PIK3R6: variants seen among roughly 807,000 people sequenced by gnomAD.
PIK3R6 encodes phosphoinositide-3-kinase regulatory subunit 6, also known as phosphoinositide 3-kinase regulatory subunit 6.
A neutral mutation model predicts 84.9 loss-of-function variants in PIK3R6; 91 were observed. The observed-to-expected ratio is 1.07, with a 90% confidence interval of 0.90 to 1.28. PIK3R6 has a LOEUF of 1.28. Ranked by LOEUF, PIK3R6 falls within the 50% of genes most tolerant of loss-of-function variation. The probability of loss-of-function intolerance (pLI) is 0.00; values close to 1 mark genes in which losing one functional copy is unlikely to be tolerated. For missense variants in PIK3R6, 996 were observed against 985.1 expected (o/e 1.01, Z -0.15); for synonymous variants, 416 against 411.4 (o/e 1.01, Z -0.13).
At chr17:8,832,275 G>A (rs950824696) in intron 9 of PIK3R6, among the ~76,000 whole-genome samples, 3 of 151,634 alleles carry the variant, frequency 2.0e-5, no homozygotes, top group Non-Finnish European at 4.4e-5. Context: ...TACAGTATAC[G>A]CAATATATTT....
intron 2 of PIK3R6, among the ~76,000 whole-genome samples, chr17:8,843,652 A>G (rs922057405): frequency 6.6e-6 from 1 of 152,092 alleles, no homozygotes; most frequent in African/African-American, 2.4e-5. Flanking sequence ...AAAAAAAGCA[A>G]TGAATTAGCT....
intron 1 of PIK3R6, among the ~76,000 whole-genome samples, chr17:8,856,366 G>C (rs535924985): frequency 2.6e-5 from 4 of 152,334 alleles, no homozygotes; most frequent in Admixed American, 2.0e-4. Context: ...CTTTGGGATG[G>C]TGAGGCAGGT....
chr17:8,815,156 T>A (rs1384046228), intron 18 of PIK3R6, among the ~76,000 whole-genome samples: 1 of 152,232 alleles, frequency 6.6e-6, no homozygotes, highest in Non-Finnish European at 1.5e-5. Context: ...TTTGATTTAA[T>A]AATTAAACTT....
chr17:8,838,236 A>C, intron 4 of PIK3R6: 1 of 436,150 alleles, frequency 2.3e-6, no homozygotes, highest in East Asian at 4.5e-5. Flanking sequence ...AGGAGAATTT[A>C]GGTGGCCCGA....
rs1489582998 is a variant in PIK3R6, at chr17:8,842,944, T to G, written c.14-3247A>C. Among the ~76,000 whole-genome samples the G allele has an allele frequency of 2.0e-5, 3 of 152,236 alleles. No individual in the cohort carries two copies. The highest frequency in any genetic ancestry group is 1.3e-4 in the Admixed American group (2 of 15,288). ...AAAATATTTTTAGGCCAAGTCACCA[T>G]AGGTGCTAGTGCTCATGGTCTGGCC... On this transcript the variant is annotated intron_variant, in intron 2 of 19. Coordinates refer to ENST00000619866, the MANE Select transcript of PIK3R6 (RefSeq NM_001010855.4). The surrounding 1 kb of genome is among the most constrained non-coding windows in gnomAD (Gnocchi z 4.5).
At chr17:8,849,995 A>C (rs998232980) in intron 1 of PIK3R6, 110 bp from the exon 2 acceptor site, 6 of 527,520 alleles carry the variant, frequency 1.1e-5, no homozygotes, top group South Asian at 4.0e-5. Flanking sequence ...ACTGGGGGGA[A>C]GTCTAGATGT....
chr17:8,865,710 C>A (rs2151328413), intron 1 of PIK3R6, among the ~76,000 whole-genome samples: 1 of 151,820 alleles, frequency 6.6e-6, no homozygotes, highest in Non-Finnish European at 1.5e-5. Context: ...GCCCCCTCAA[C>A]CTTTAGCCCT....
At chr17:8,863,006 A>G (rs2089317665) in intron 1 of PIK3R6, among the ~76,000 whole-genome samples, 1 of 152,212 alleles carries the variant, frequency 6.6e-6, no homozygotes, top group African/African-American at 2.4e-5. Context: ...GCAATAAGTT[A>G]AAATACACAA....
intron 18 of PIK3R6, among the ~76,000 whole-genome samples, chr17:8,817,509 G>A (rs1423836077): frequency 6.6e-6 from 1 of 152,074 alleles, no homozygotes; most frequent in African/African-American, 2.4e-5. Context: ...GGGCATGGAG[G>A]CATGTGCCTG....
intron 15 of PIK3R6, 130 bp downstream of exon 15, chr17:8,822,866 G>T: frequency 1.0e-6 from 1 of 976,348 alleles, no homozygotes; most frequent in East Asian, 2.4e-5. Context: ...TTCAGCAGAG[G>T]TAGGGAACAG....
intron 7 of PIK3R6, among the ~76,000 whole-genome samples, chr17:8,835,886 C>T (rs1265625100): frequency 6.6e-5 from 10 of 152,158 alleles, no homozygotes; most frequent in African/African-American, 2.2e-4. Context: ...CCAACCTCCC[C>T]TACTCCCTCC....
At chr17:8,860,293 G>T (rs549094765) in intron 1 of PIK3R6, among the ~76,000 whole-genome samples, 8 of 152,128 alleles carry the variant, frequency 5.3e-5, no homozygotes, top group Admixed American at 3.9e-4. Flanking sequence ...CTGGGGCGGG[G>T]GGCGGTGTGG....
intron 1 of PIK3R6, among the ~76,000 whole-genome samples, chr17:8,853,555 C>T (rs989066502): frequency 2.0e-5 from 3 of 148,430 alleles, no homozygotes; most frequent in Non-Finnish European, 3.0e-5. Flanking sequence ...TCTAACAAAA[C>T]GTGCAGGAGC....
At chr17:8,805,527 G>C (rs1363983349) in intron 18 of PIK3R6, among the ~76,000 whole-genome samples, 4 of 152,186 alleles carry the variant, frequency 2.6e-5, no homozygotes, top group African/African-American at 9.7e-5. Context: ...TGTGAGTAAA[G>C]ACAGATTTAA....
intron 18 of PIK3R6, among the ~76,000 whole-genome samples, chr17:8,804,575 C>A (rs146674587): frequency 3.1e-4 from 47 of 152,284 alleles, no homozygotes; most frequent in African/African-American, 1.1e-3. Context: ...AAATCACATA[C>A]AACATTATTT....
chr17:8,811,527 C>G (rs1567565654), intron 18 of PIK3R6, among the ~76,000 whole-genome samples: 1 of 148,466 alleles, frequency 6.7e-6, no homozygotes, highest in Non-Finnish European at 1.5e-5. Context: ...TGCTCTGCTT[C>G]CCTTATAAAA....
In PIK3R6 at chr17:8,803,620, G is replaced by A; in HGVS notation, c.2109-191C>T. On this transcript the variant is annotated intron_variant, in intron 19 of 19. Coordinates refer to ENST00000619866, the MANE Select transcript of PIK3R6 (RefSeq NM_001010855.4). This position sits in a 1 kb window ranked among gnomAD's most constrained non-coding sequence, Gnocchi z 5.0. ...CCTGGGCCTGGGGTTCACCGGGAGA[G>A]GAGACACTTGGAGCAAGTAACTCTG... The A allele has an allele frequency of 1.7e-6, 1 of 590,700 alleles. No individual in the cohort carries two copies. The highest frequency in any genetic ancestry group is 2.2e-5 in the South Asian group (1 of 44,752). The allele number at this position is 590,700 out of a possible 1,614,324, so 36.6% of individuals were successfully genotyped here.
chr17:8,829,571 CACACAG>C (rs2088145194), intron 10 of PIK3R6, 129 bp downstream of exon 10: 8 of 937,158 alleles, frequency 8.5e-6, no homozygotes, highest in African/African-American at 6.8e-5. Context: ...CACACATACA[CACACAG>C]ACACACTGAC....
In PIK3R6 at chr17:8,839,146, G is replaced by A. The variant is rs1165935983; in HGVS notation, c.97+468C>T. 6.6e-6 allele frequency among the ~76,000 whole-genome samples: 1 copy of A among 152,086 alleles called. No homozygotes were observed. The highest frequency in any genetic ancestry group is 1.5e-5 in the Non-Finnish European group (1 of 68,014). ...GCGGGTCACTTGCGGTCAGGAGTTC[G>A]AGACCAACCTGGCCAACATGGTGAA... On this transcript the variant is annotated intron_variant, in intron 3 of 19. Transcript: ENST00000619866. The surrounding 1 kb of genome is among the most constrained non-coding windows in gnomAD (Gnocchi z 4.2).
Sources: gnomAD v4.1 joint callset for allele counts (sites outside exome capture counted in the v4.1 genomes callset) on GRCh38, gnomAD v4.1.1 for gene constraint, Gnocchi (gnomAD v3.1) non-coding constraint, MANE v1.5 for transcripts, NCBI Gene and HGNC (gene_info 2026-07-23, HGNC 2026-07-21) for gene names.